KLHL29: variants seen among roughly 807,000 people sequenced by gnomAD.
KLHL29 encodes the protein kelch-like protein 29.
KLHL29 carries 21 observed loss-of-function variants against 80.4 expected under a neutral mutation model. The observed-to-expected ratio is 0.26, with a 90% CI of 0.19 to 0.38. KLHL29 has a LOEUF of 0.38. KLHL29 is among the 10% of genes least tolerant of loss of function. The pLI is 1.00. For synonymous variants in KLHL29, 511 were observed against 526.8 expected (o/e 0.97, Z 0.41); for missense variants, 867 against 1,223.9 (o/e 0.71, Z 4.35).
At chr2:23,546,553 C>A (rs1666983853) in intron 2 of KLHL29, among the ~76,000 whole-genome samples, 1 of 152,194 alleles carries the variant, frequency 6.6e-6, no homozygotes, top group Non-Finnish European at 1.5e-5. Context: ...AGCCCCAGGG[C>A]CCGTCTCTAC....
intron 2 of KLHL29, among the ~76,000 whole-genome samples, chr2:23,515,041 A>T (rs1199761410): frequency 6.6e-6 from 1 of 152,122 alleles, no homozygotes; most frequent in Non-Finnish European, 1.5e-5. Context: ...TCCACCCAAC[A>T]CTAGCCCAGC....
At chr2:23,440,173 G>A (rs1007275377) in intron 1 of KLHL29, among the ~76,000 whole-genome samples, 21 of 152,144 alleles carry the variant, frequency 1.4e-4, no homozygotes, top group South Asian at 1.0e-3. Context: ...AAATAACGCC[G>A]CATATCTACA....
intron 3 of KLHL29, among the ~76,000 whole-genome samples, chr2:23,626,092 A>G (rs1037461748): frequency 6.6e-6 from 1 of 152,106 alleles, no homozygotes; most frequent in Non-Finnish European, 1.5e-5. Context: ...GCATGGGGGT[A>G]GGAGGAGTTG....
At chr2:23,608,701 G>A (rs763913899) in intron 3 of KLHL29, among the ~76,000 whole-genome samples, 16 of 152,092 alleles carry the variant, frequency 1.1e-4, no homozygotes, top group African/African-American at 1.9e-4. Context: ...AATATGGAGC[G>A]TTTAGATACC....
At chr2:23,574,473 G>A (rs564390910) in intron 3 of KLHL29, among the ~76,000 whole-genome samples, 4 of 152,146 alleles carry the variant, frequency 2.6e-5, no homozygotes, top group East Asian at 1.9e-4. Context: ...CTGGGTGAAC[G>A]CGCTTTATTA....
intron 1 of KLHL29, among the ~76,000 whole-genome samples, chr2:23,399,347 C>T (rs944582489): frequency 6.6e-6 from 1 of 152,132 alleles, no homozygotes; most frequent in Non-Finnish European, 1.5e-5. Context: ...CACTTAATGC[C>T]ACTGAACTGT....
chr2:23,490,992 G>T (rs1665084179), intron 2 of KLHL29, among the ~76,000 whole-genome samples: 1 of 151,998 alleles, frequency 6.6e-6, no homozygotes, highest in Non-Finnish European at 1.5e-5. Flanking sequence ...TGGGATGCAT[G>T]TGCAGAACAT....
chr2:23,523,038 G>A (rs568935847), intron 2 of KLHL29, among the ~76,000 whole-genome samples: 97 of 152,118 alleles, frequency 6.4e-4, no homozygotes, highest in Middle Eastern at 3.4e-3. Context: ...GGGTGGTTAC[G>A]GGCATTTAGT....
intron 2 of KLHL29, among the ~76,000 whole-genome samples, chr2:23,487,800 C>T (rs1664974533): frequency 6.6e-6 from 1 of 152,222 alleles, no homozygotes; most frequent in South Asian, 2.1e-4. Flanking sequence ...AAAAACAGAA[C>T]TGCCCTGAGT....
chr2:23,575,878 G>A (rs1667830085), intron 3 of KLHL29, among the ~76,000 whole-genome samples: 1 of 152,220 alleles, frequency 6.6e-6, no homozygotes, highest in South Asian at 2.1e-4. Flanking sequence ...ACAGAGCCTG[G>A]CAGATAGACT....
chr2:23,576,786 C>A (rs1025830996), intron 3 of KLHL29, among the ~76,000 whole-genome samples: 1 of 152,232 alleles, frequency 6.6e-6, no homozygotes, highest in East Asian at 1.9e-4. Context: ...TCCAGATATT[C>A]TGTGTCCCTC....
rs185074494 is a variant in KLHL29, at chr2:23,437,968, T to A, written c.-153-37592T>A. 3.5e-3 allele frequency among the ~76,000 whole-genome samples: 539 copies of A among 152,220 alleles called. 1 individual carries two copies. Among genetic ancestry groups the A allele is most frequent in the African/African-American group, 0.013 (519 of 41,506 alleles). On this transcript the variant is annotated intron_variant, in intron 1 of 13. Transcript: ENST00000486442. ...CATGGAATGTTCTTCCATTTGTTTGTATCCTCTTTTATTTCATTGAGCAGT... is the reference window on the plus strand; with the variant it reads ...CATGGAATGTTCTTCCATTTGTTTGAATCCTCTTTTATTTCATTGAGCAGT...
intron 3 of KLHL29, among the ~76,000 whole-genome samples, chr2:23,575,522 G>A (rs1166428578): frequency 6.6e-6 from 1 of 152,162 alleles, no homozygotes; most frequent in Non-Finnish European, 1.5e-5. Flanking sequence ...AACCAGCCAC[G>A]GCTCCAAGTG....
At chr2:23,527,925 G>T (rs1037908598) in intron 2 of KLHL29, among the ~76,000 whole-genome samples, 29 of 152,316 alleles carry the variant, frequency 1.9e-4, no homozygotes, top group East Asian at 1.7e-3. Context: ...AGATCAAGGT[G>T]CAAGGCCCCC....
At chr2:23,576,082 ATCACCTGAGG>A (rs944023939) in intron 3 of KLHL29, among the ~76,000 whole-genome samples, 24 of 152,182 alleles carry the variant, frequency 1.6e-4, no homozygotes, top group African/African-American at 5.5e-4. Context: ...AGGCGGGTGG[ATCACCTGAGG>A]TCAGGAGTTT....
At chr2:23,449,839 A>G (rs1475860668) in intron 1 of KLHL29, among the ~76,000 whole-genome samples, 1 of 152,070 alleles carries the variant, frequency 6.6e-6, no homozygotes, top group Admixed American at 6.5e-5. Flanking sequence ...GTGGAGAACC[A>G]AGCCCTCTGG....
intron 1 of KLHL29, among the ~76,000 whole-genome samples, chr2:23,455,298 G>GT (rs1358937743): frequency 5.9e-5 from 9 of 152,244 alleles, no homozygotes; most frequent in Admixed American, 5.9e-4. Context: ...TAAATACCGT[G>GT]TATTATGATT....
chr2:23,676,933 A>G (rs917501612), intron 5 of KLHL29, among the ~76,000 whole-genome samples: 6 of 152,182 alleles, frequency 3.9e-5, no homozygotes, highest in African/African-American at 1.2e-4. Context: ...TCAAGGTCAC[A>G]GGAAGATTGA....
chr2:23,542,815 AGGGACACCTG>A (rs763138157), intron 2 of KLHL29, among the ~76,000 whole-genome samples: 11 of 152,336 alleles, frequency 7.2e-5, no homozygotes, highest in Middle Eastern at 6.8e-3. Flanking sequence ...GCCTTTCACC[AGGGACACCTG>A]GGGAAGGAAC....
Sources: gnomAD v4.1 joint callset for allele counts (sites outside exome capture counted in the v4.1 genomes callset) on GRCh38, gnomAD v4.1.1 for gene constraint, MANE v1.5 for transcripts, NCBI Gene and HGNC (gene_info 2026-07-23, HGNC 2026-07-21) for gene names.